EIF4G3: variants seen among roughly 807,000 people sequenced by gnomAD.
EIF4G3 encodes the protein eukaryotic translation initiation factor 4 gamma 3.
Under a neutral mutation model 186.4 loss-of-function variants are expected in EIF4G3, and 34 were observed. The ratio of observed to expected loss-of-function variants is 0.18; its 90% CI spans 0.14 to 0.24. The LOEUF (loss-of-function observed/expected upper bound fraction) is 0.24, where lower values mean the gene tolerates loss of function less well. Among genes scored for constraint, EIF4G3 ranks in the 10% least tolerant of loss-of-function variants. EIF4G3 has a pLI of 1.00. For synonymous variants in EIF4G3, 673 were observed against 679.5 expected (o/e 0.99, Z 0.15); for missense variants, 1,536 against 1,948.5 (o/e 0.79, Z 3.99).
chr1:21,017,404 G>A (rs112602172), intron 4 of EIF4G3, among the ~76,000 whole-genome samples: 165 of 152,138 alleles, frequency 1.1e-3, no homozygotes, highest in African/African-American at 3.9e-3. Context: ...CGAGGTGGGT[G>A]GATCACGAGG....
At chr1:21,166,626 C>CT (rs1174368840) in intron 2 of EIF4G3, among the ~76,000 whole-genome samples, 2 of 152,098 alleles carry the variant, frequency 1.3e-5, no homozygotes, top group Non-Finnish European at 1.5e-5. Context: ...ACTCGGGAGG[C>CT]TGAGGCATGA....
At chr1:20,939,137 C>G (rs1299660870) in intron 14 of EIF4G3, among the ~76,000 whole-genome samples, 2 of 100,770 alleles carry the variant, frequency 2.0e-5, no homozygotes, top group Admixed American at 9.9e-5. Context: ...AAAAAAAAAG[C>G]TAGAGTTGCA....
At chr1:21,044,164 G>T (rs1449977705) in intron 4 of EIF4G3, among the ~76,000 whole-genome samples, 1 of 152,122 alleles carries the variant, frequency 6.6e-6, no homozygotes, top group Admixed American at 6.5e-5. Flanking sequence ...GGTCCCCTTG[G>T]TGACAAATCC....
intron 14 of EIF4G3, among the ~76,000 whole-genome samples, chr1:20,908,347 T>C (rs2154557785): frequency 6.6e-6 from 1 of 152,330 alleles, no homozygotes; most frequent in African/African-American, 2.4e-5. Context: ...TGGAACAAAA[T>C]GTTTTTCTTC....
At chr1:20,973,596 G>C (rs1327900749) in intron 10 of EIF4G3, among the ~76,000 whole-genome samples, 1 of 152,150 alleles carries the variant, frequency 6.6e-6, no homozygotes, top group Non-Finnish European at 1.5e-5. Flanking sequence ...TAAAGGATTA[G>C]CAAATTTCCG....
At chr1:21,017,065 G>C (rs1168356212) in intron 4 of EIF4G3, among the ~76,000 whole-genome samples, 1 of 152,144 alleles carries the variant, frequency 6.6e-6, no homozygotes, top group Non-Finnish European at 1.5e-5. Context: ...AGCAGCCCAA[G>C]TGTTCACTGA....
intron 29 of EIF4G3, among the ~76,000 whole-genome samples, chr1:20,847,427 T>G (rs184219901): frequency 1.3e-5 from 2 of 152,204 alleles, no homozygotes; most frequent in African/African-American, 4.8e-5. Flanking sequence ...AGAGTCCTCC[T>G]ATTGTACTCT....
At chr1:20,864,300 C>G (rs937150590) in intron 22 of EIF4G3, among the ~76,000 whole-genome samples, 176 bp downstream of exon 22, 1 of 152,166 alleles carries the variant, frequency 6.6e-6, no homozygotes, top group Non-Finnish European at 1.5e-5. Context: ...TCATCTCTGA[C>G]TCTGATGGAA....
chr1:20,950,350 A>G (rs1437265215), intron 12 of EIF4G3, among the ~76,000 whole-genome samples: 1 of 152,198 alleles, frequency 6.6e-6, no homozygotes, highest in Non-Finnish European at 1.5e-5. Context: ...ACTATTAACC[A>G]CAGCAAGAGA....
chr1:21,044,960 C>A (rs898143786), intron 4 of EIF4G3, among the ~76,000 whole-genome samples: 1 of 152,052 alleles, frequency 6.6e-6, no homozygotes, highest in African/African-American at 2.4e-5. Flanking sequence ...CAAAGCAAGT[C>A]CCATCTCTGC....
intron 2 of EIF4G3, among the ~76,000 whole-genome samples, chr1:21,159,070 C>T (rs1412221036): frequency 6.6e-6 from 1 of 152,102 alleles, no homozygotes; most frequent in East Asian, 1.9e-4. Context: ...CTTTCTAACT[C>T]TAATAACATA....
chr1:20,820,975 T>C (rs1200193034), intron 33 of EIF4G3, among the ~76,000 whole-genome samples: 1 of 152,146 alleles, frequency 6.6e-6, no homozygotes, highest in Non-Finnish European at 1.5e-5. Flanking sequence ...CCCACTCCTC[T>C]GAGCTGTTCT....
chr1:20,960,258 G>A (rs992979427), intron 12 of EIF4G3, among the ~76,000 whole-genome samples: 22 of 152,126 alleles, frequency 1.4e-4, no homozygotes, highest in Non-Finnish European at 2.2e-4. Flanking sequence ...ACTGAGGTCA[G>A]GAGTTCAAAA....
chr1:21,169,607 A>G (rs2097918454), intron 2 of EIF4G3: 1 of 152,210 alleles, frequency 6.6e-6, no homozygotes, highest in South Asian at 2.1e-4. Flanking sequence ...ATTTGACTAC[A>G]GATGTTGTTC....
intron 2 of EIF4G3, among the ~76,000 whole-genome samples, chr1:21,167,094 C>T (rs775262216): frequency 7.9e-5 from 12 of 152,134 alleles, no homozygotes; most frequent in African/African-American, 2.9e-4. Context: ...AGTTCTCCGA[C>T]CAAGTTCTAT....
At chr1:20,823,476 C>T (rs112009630) in intron 33 of EIF4G3, among the ~76,000 whole-genome samples, 169 of 152,154 alleles carry the variant, frequency 1.1e-3, no homozygotes, top group African/African-American at 3.9e-3. Context: ...TAAACTCCCA[C>T]GCTCTAGTGA....
At chr1:20,945,409 A>G (rs1011772371) in intron 13 of EIF4G3, among the ~76,000 whole-genome samples, 13 of 152,244 alleles carry the variant, frequency 8.5e-5, no homozygotes, top group Non-Finnish European at 5.9e-5. Flanking sequence ...TGCAATATTT[A>G]AAATATGTTT....
rs190641091 is a variant in EIF4G3 at position 21,064,774 on chromosome 1, C to T, written c.-195-13780G>A. On this transcript the variant is annotated intron_variant, in intron 3 of 36. Transcript: ENST00000602326. ...TAACTCCTTACTTTTTCAAGGAATA[C>T]ATATATTACAGGCCAATTGCTGTCC... 3.9e-5 allele frequency: 6 copies of T among 152,234 alleles called. No homozygotes were observed. The East Asian group carries it at 1.2e-3, about 29-fold the overall frequency. 9.4% of individuals were successfully genotyped at this position (152,234 alleles called of 1,614,324 possible). A position where few individuals can be genotyped will look rare whatever the true frequency, so the allele number is the denominator to read the frequency against.
At chr1:20,925,580 T>C (rs1383552134) in intron 14 of EIF4G3, among the ~76,000 whole-genome samples, 1 of 152,216 alleles carries the variant, frequency 6.6e-6, no homozygotes, top group African/African-American at 2.4e-5. Context: ...GCTGCCCAAG[T>C]TGGAGTGTGG....
Sources: allele counts gnomAD v4.1 joint callset (sites outside exome capture counted in the v4.1 genomes callset), GRCh38; gene constraint gnomAD v4.1.1; transcripts MANE v1.5; gene names NCBI Gene and HGNC (gene_info 2026-07-23, HGNC 2026-07-21).